Variants in TMEM108 observed in about 807,000 individuals in gnomAD.
TMEM108 encodes the protein transmembrane protein 108.
In TMEM108, 12 loss-of-function variants were observed where a neutral mutation model predicts 35.1. The ratio of observed to expected loss-of-function variants is 0.34; its 90% CI spans 0.22 to 0.55. The LOEUF (loss-of-function observed/expected upper bound fraction) is 0.55, where lower values mean the gene tolerates loss of function less well. TMEM108 is among the 20% of genes least tolerant of loss of function. The pLI is 0.89. For missense variants in TMEM108, 680 were observed against 753.3 expected (o/e 0.90, Z 1.14); for synonymous variants, 287 against 308.6 (o/e 0.93, Z 0.73).
At chr3:133,078,162 C>CTGTGTGTGTGTGTGTGT (rs1559825394) in intron 2 of TMEM108, among the ~76,000 whole-genome samples, 2 of 30,432 alleles carry the variant, frequency 6.6e-5, no homozygotes, top group Admixed American at 3.4e-4. Context: ...TGTGTGTGCA[C>CTGTGTGTGTGTGTGTGT]GCGCGCGCGC....
intron 4 of TMEM108, among the ~76,000 whole-genome samples, chr3:133,384,660 C>T (rs1047020654): frequency 6.6e-6 from 1 of 152,182 alleles, no homozygotes; most frequent in Non-Finnish European, 1.5e-5. Context: ...CATCAGGACG[C>T]ACAGAGCCCA....
At chr3:133,091,100 T>C (rs1943941952) in intron 2 of TMEM108, among the ~76,000 whole-genome samples, 1 of 152,194 alleles carries the variant, frequency 6.6e-6, no homozygotes, top group Non-Finnish European at 1.5e-5. Flanking sequence ...TAGAAGTACA[T>C]GAGAGTATCT....
intron 3 of TMEM108, among the ~76,000 whole-genome samples, chr3:133,321,442 A>G (rs2107719549): frequency 6.6e-6 from 1 of 152,346 alleles, no homozygotes; most frequent in Non-Finnish European, 1.5e-5. Context: ...ATAATGATAA[A>G]AGGATCAATC....
chr3:133,338,471 C>A (rs1447458137), intron 3 of TMEM108, among the ~76,000 whole-genome samples: 1 of 151,940 alleles, frequency 6.6e-6, no homozygotes, highest in African/African-American at 2.4e-5. Context: ...ATACTCCAAA[C>A]CTGAAGCAGA....
chr3:133,286,140 CA>C (rs1327218220), intron 3 of TMEM108, among the ~76,000 whole-genome samples: 5 of 152,146 alleles, frequency 3.3e-5, no homozygotes, highest in African/African-American at 4.8e-5. Context: ...AACATCAAGA[CA>C]AACATTACCT....
At chr3:133,164,293 C>T (rs1421910576) in intron 2 of TMEM108, among the ~76,000 whole-genome samples, 3 of 152,184 alleles carry the variant, frequency 2.0e-5, no homozygotes, top group Non-Finnish European at 4.4e-5. Flanking sequence ...GACTGAACAC[C>T]TCTGACTAAG....
intron 3 of TMEM108, among the ~76,000 whole-genome samples, chr3:133,267,122 T>C (rs985262288): frequency 1.3e-5 from 2 of 151,566 alleles, no homozygotes; most frequent in African/African-American, 4.8e-5. Flanking sequence ...AGGGATATAG[T>C]TGCTGTAGAG....
chr3:133,284,872 G>A (rs898647935), intron 3 of TMEM108, among the ~76,000 whole-genome samples: 1 of 151,646 alleles, frequency 6.6e-6, no homozygotes, highest in African/African-American at 2.4e-5. Flanking sequence ...CTTCAGTTTT[G>A]TCTTCTCTTG....
In TMEM108 at chr3:133,380,953, G is replaced by A. The variant is rs1036361712; in HGVS notation, c.1242G>A (p.Val414=). The A allele has an allele frequency of 8.1e-6, 13 of 1,614,038 alleles. 1 individual carries two copies. Among genetic ancestry groups the A allele is most frequent in the South Asian group, 7.7e-5 (7 of 91,084 alleles). The change falls in exon 4 of 6, where the codon GTG becomes GTA. Residue 414 remains valine (V), a synonymous_variant. Transcript: ENST00000321871. The surrounding 1 kb of genome is among the most constrained non-coding windows in gnomAD (Gnocchi z 5.3). ...CCACCCTCACCATGACCGACCGGGT[G>A]CCCAGTCCTCTCTCCACAGTGGTAT... The part of the protein sequence containing the change: ...TVATLTMTDR[V]PSPLSTVVST...
intron 2 of TMEM108, among the ~76,000 whole-genome samples, chr3:133,224,964 G>A (rs1039653101): frequency 4.6e-5 from 7 of 151,284 alleles, no homozygotes; most frequent in Non-Finnish European, 8.8e-5. Flanking sequence ...CTTGTGTATC[G>A]TCTCCTCAGC....
intron 2 of TMEM108, among the ~76,000 whole-genome samples, chr3:133,145,500 A>T (rs1050204951): frequency 6.6e-6 from 1 of 152,206 alleles, no homozygotes; most frequent in African/African-American, 2.4e-5. Context: ...AATTCTGTGA[A>T]GAAAGTCAAT....
chr3:133,380,984 G>A lies in TMEM108; in HGVS notation c.1273G>A (p.Ala425Thr). The A allele has an allele frequency of 6.2e-7, 1 of 1,614,202 alleles. No homozygotes were observed. Among genetic ancestry groups the A allele is most frequent in the Non-Finnish European group, 8.5e-7 (1 of 1,180,026 alleles). Residue 425 changes from alanine to threonine, a missense_variant, in exon 4 of 6, where the codon GCC (alanine) becomes ACC (threonine). Around this residue, in one of 3 missense-constraint regions of TMEM108, gnomAD observed 526 missense variants for 532.1 expected, o/e 0.99. Coordinates refer to ENST00000321871, the MANE Select transcript of TMEM108 (RefSeq NM_023943.4). This position sits in a 1 kb window ranked among gnomAD's most constrained non-coding sequence, Gnocchi z 5.3. ...TCCTCTCTCCACAGTGGTATCCACA[G>A]CCACAGGCAATTTCCTCAACCGCCT... ...PSPLSTVVST[A>T]TGNFLNRLVP...
intron 2 of TMEM108, among the ~76,000 whole-genome samples, chr3:133,049,104 A>G (rs1440767077): frequency 2.0e-5 from 3 of 152,158 alleles, no homozygotes; most frequent in African/African-American, 7.2e-5. Context: ...ACTTCTTACA[A>G]ATGATGTCTG....
At chr3:133,362,769 C>T (rs926617758) in intron 3 of TMEM108, among the ~76,000 whole-genome samples, 2 of 152,226 alleles carry the variant, frequency 1.3e-5, no homozygotes, top group Admixed American at 6.5e-5. Context: ...TTCTCTCTTG[C>T]ACTCTCTCTG....
rs924989356 is a variant in TMEM108, at chr3:133,165,375, A to G, written c.-46-63891A>G. On this transcript the variant is annotated intron_variant, in intron 2 of 5. Coordinates refer to ENST00000321871, the MANE Select transcript of TMEM108 (RefSeq NM_023943.4). ...CTGGGCAGACTTAAATGCACCACACATTGGATGATTCGAAGTGACAGAGAA... is the reference window on the plus strand; with the variant it reads ...CTGGGCAGACTTAAATGCACCACACGTTGGATGATTCGAAGTGACAGAGAA... Among the ~76,000 whole-genome samples the G allele has an allele frequency of 3.9e-5, 6 of 152,300 alleles. No homozygotes were observed. The East Asian group carries it at 1.2e-3, about 29-fold the overall frequency.
intron 2 of TMEM108, among the ~76,000 whole-genome samples, chr3:133,094,587 G>A (rs1356369858): frequency 6.6e-6 from 1 of 152,008 alleles, no homozygotes. Context: ...ATTTGTTCTC[G>A]CTCCCTCCAT....
intron 3 of TMEM108, among the ~76,000 whole-genome samples, chr3:133,256,745 G>A (rs1489928296): frequency 6.6e-6 from 1 of 152,124 alleles, no homozygotes; most frequent in Non-Finnish European, 1.5e-5. Context: ...AATCAAGAAG[G>A]GGAAAATAGA....
intron 2 of TMEM108, among the ~76,000 whole-genome samples, chr3:133,191,954 C>T (rs1356199690): frequency 1.3e-5 from 2 of 152,278 alleles, no homozygotes; most frequent in Non-Finnish European, 2.9e-5. Flanking sequence ...GTGGTGCTGA[C>T]ATGCCAGAGT....
chr3:133,390,343 C>T lies in TMEM108; in HGVS notation c.1605+9C>T. 1.9e-6 allele frequency: 3 copies of T among 1,613,660 alleles called. No homozygotes were observed. Among genetic ancestry groups the T allele is most frequent in the African/African-American group, 1.3e-5 (1 of 75,042 alleles). On this transcript the variant is annotated intron_variant, in intron 5 of 5. Coordinates refer to ENST00000321871, the MANE Select transcript of TMEM108 (RefSeq NM_023943.4). ...CCCTTGAAACCTCTGAGGTAATGAGCTTGAAAGTGCTGGCCCCACTGCAGG... is the reference window on the plus strand; with the variant it reads ...CCCTTGAAACCTCTGAGGTAATGAGTTTGAAAGTGCTGGCCCCACTGCAGG...
Sources: allele counts gnomAD v4.1 joint callset (sites outside exome capture counted in the v4.1 genomes callset), GRCh38; gene constraint gnomAD v4.1.1; regional missense constraint gnomAD v4.1.1; non-coding constraint Gnocchi (gnomAD v3.1); transcripts MANE v1.5; gene names NCBI Gene and HGNC (gene_info 2026-07-23, HGNC 2026-07-21).